Variants in CARHSP1 observed in about 807,000 individuals in gnomAD.
The protein encoded by CARHSP1 is calcium-regulated heat-stable protein 1.
In CARHSP1, 14 loss-of-function variants were observed where a neutral mutation model predicts 12.5. The ratio of observed to expected loss-of-function variants is 1.12; its 90% confidence interval spans 0.74 to 1.75. The LOEUF is 1.75. CARHSP1 is among the 40% of genes most tolerant of loss of function. The pLI, the probability that CARHSP1 is intolerant of heterozygous loss-of-function variation, is 0.00. For synonymous variants in CARHSP1, 161 were observed against 82.0 expected (o/e 1.96, Z -5.20); for missense variants, 343 against 201.6 (o/e 1.70, Z -4.25).
At chr16:8,865,376 C>T (rs1297380432) in intron 1 of CARHSP1, among the ~76,000 whole-genome samples, 1 of 152,220 alleles carries the variant, frequency 6.6e-6, no homozygotes, top group African/African-American at 2.4e-5. Context: ...TCCCAAAGTC[C>T]TCGGATTACA....
At chr16:8,858,823 T>G (rs2061243203) in intron 2 of CARHSP1, 1 of 405,340 alleles carries the variant, frequency 2.5e-6, no homozygotes, top group Non-Finnish European at 4.4e-6. Context: ...TGCCAGGCAT[T>G]ATGTGGGTCC....
At chr16:8,859,586 GCATCGGTCCCCT>G (rs761031775) in intron 1 of CARHSP1, among the ~76,000 whole-genome samples, 17 of 151,978 alleles carry the variant, frequency 1.1e-4, no homozygotes, top group Non-Finnish European at 2.1e-4. Flanking sequence ...GACCAGGATG[GCATCGGTCCCCT>G]CTGTGTCCCC....
At chr16:8,859,863 A>ATCTACTTG (rs2061292131) in intron 1 of CARHSP1, 1 of 152,526 alleles carries the variant, frequency 6.6e-6, no homozygotes, top group Non-Finnish European at 1.5e-5. Flanking sequence ...CTGTAATCCC[A>ATCTACTTG]TCTACTTGAA....
In CARHSP1 at chr16:8,860,722, G is replaced by A. The variant is rs149133700; in HGVS notation, c.-7-1387C>T. On this transcript the variant is annotated intron_variant, in intron 1 of 3. Transcript: ENST00000311052. ...GAGGGACAGCAGCAGCCCTGGATCG[G>A]TTTGACTCAGGTCCCATGGGGTTTT... 4.7e-4 allele frequency among the ~76,000 whole-genome samples: 72 copies of A among 152,198 alleles called. No homozygotes were observed. The East Asian group carries it at 0.014, about 30-fold the overall frequency.
At chr16:8,868,745 T>C (rs1322053358) in intron 1 of CARHSP1, 2 of 151,962 alleles carry the variant, frequency 1.3e-5, no homozygotes, top group African/African-American at 4.8e-5. Flanking sequence ...CCTAGAATCC[T>C]TGCCGCTGTT....
intron 2 of CARHSP1, 51 bp from the exon 3 acceptor site, chr16:8,858,523 C>T (rs1429512941): frequency 8.8e-6 from 14 of 1,598,624 alleles, no homozygotes; most frequent in Non-Finnish European, 1.2e-5. Flanking sequence ...CCTGGGCACA[C>T]AAAGCTCATT....
chr16:8,858,900 C>G, intron 2 of CARHSP1: 2 of 434,698 alleles, frequency 4.6e-6, no homozygotes, highest in East Asian at 3.6e-5. Flanking sequence ...GAACCAGACT[C>G]TCATGTGTGG....
rs141833541 is a variant in CARHSP1 at position 8,858,373 on chromosome 16, G to A, written c.258C>T (p.Pro86=). The A allele has an allele frequency of 1.2e-3, 1,911 of 1,613,900 alleles. 46 individuals are homozygous for A. In the South Asian group the frequency reaches 0.017, roughly 14 times the overall value. ...ACTCAGAGATGTGCAGGAAGATGTC[G>A]GGGCCGCCATCAGCTGGAGTAATGA... is the stretch of plus-strand genomic sequence containing the variant. ...HGFITPADGG[P]DIFLHISDVE... is the part of the protein sequence containing the mutation. The change falls in exon 3 of 4, where the codon CCC becomes CCT. Residue 86 remains proline (P), a synonymous_variant. Coordinates refer to ENST00000311052, the MANE Select transcript of CARHSP1 (RefSeq NM_014316.4).
At chr16:8,857,276 T>TTTTTTTG (rs2061158484) in intron 3 of CARHSP1, among the ~76,000 whole-genome samples, 2 of 102,056 alleles carry the variant, frequency 2.0e-5, no homozygotes, top group African/African-American at 4.8e-5. Context: ...TTTTTTTTTT[T>TTTTTTTG]TTTTTTTTTT....
At chr16:8,863,183 G>T (rs1401545407) in intron 1 of CARHSP1, among the ~76,000 whole-genome samples, 5 of 141,614 alleles carry the variant, frequency 3.5e-5, no homozygotes, top group South Asian at 2.3e-4. Context: ...GCAGTGGCGC[G>T]ATCATGGCTC....
chr16:8,862,165 G>A (rs1457160228), intron 1 of CARHSP1, among the ~76,000 whole-genome samples: 2 of 151,734 alleles, frequency 1.3e-5, no homozygotes, highest in Non-Finnish European at 2.9e-5. Context: ...ATCACGCCCG[G>A]CTAATGAAGC....
At chr16:8,862,413 C>T (rs960638135) in intron 1 of CARHSP1, among the ~76,000 whole-genome samples, 3 of 152,146 alleles carry the variant, frequency 2.0e-5, no homozygotes, top group Admixed American at 6.5e-5. Context: ...ATCATAAAGG[C>T]ACTCAACAGA....
intron 1 of CARHSP1, among the ~76,000 whole-genome samples, chr16:8,860,860 G>C (rs1451288828): frequency 6.6e-6 from 1 of 151,862 alleles, no homozygotes; most frequent in Admixed American, 6.6e-5. Flanking sequence ...AGACCAGCCT[G>C]GCCAACATGG....
At chr16:8,856,791 G>T (rs1039349224) in intron 3 of CARHSP1, among the ~76,000 whole-genome samples, 1 of 152,134 alleles carries the variant, frequency 6.6e-6, no homozygotes, top group African/African-American at 2.4e-5. Context: ...AGGGACAAGG[G>T]TGCAGATCGA....
In CARHSP1 at chr16:8,857,263, GT is replaced by G. The variant is rs756390920; in HGVS notation, c.281+1086del. Among the ~76,000 whole-genome samples the G allele has an allele frequency of 2.5e-3, 140 of 57,024 alleles. 5 individuals carry two copies. Among genetic ancestry groups the G allele is most frequent in the African/African-American group, 7.1e-3 (128 of 17,908 alleles). 37.4% of individuals were successfully genotyped at this position (57,024 alleles called of 152,430 possible). A position where few individuals can be genotyped will look rare whatever the true frequency, so the allele number is the denominator to read the frequency against. The stretch of plus-strand genomic sequence containing the variant: ...TGGCTATGTGATCTTGGGCAGATCT[GT>G]TTTTTTTTTTTTTTTTTTTTTTTTT... On this transcript the variant is annotated intron_variant, in intron 3 of 3. Coordinates refer to ENST00000311052, the MANE Select transcript of CARHSP1 (RefSeq NM_014316.4).
At chr16:8,861,375 A>G (rs1049617654) in intron 1 of CARHSP1, among the ~76,000 whole-genome samples, 10 of 151,520 alleles carry the variant, frequency 6.6e-5, no homozygotes, top group Admixed American at 6.6e-4. Flanking sequence ...CCAGCTGCTC[A>G]TGGAAAGAAA....
chr16:8,861,988 A>ATT (rs2061369140), intron 1 of CARHSP1, among the ~76,000 whole-genome samples: 3 of 52,044 alleles, frequency 5.8e-5, no homozygotes, highest in Non-Finnish European at 1.3e-4. Context: ...AGCATAGCTG[A>ATT]CTTTTTTTTT....
At chr16:8,861,204 A>G (rs2061344047) in intron 1 of CARHSP1, among the ~76,000 whole-genome samples, 2 of 89,828 alleles carry the variant, frequency 2.2e-5, no homozygotes, top group African/African-American at 4.7e-5. Context: ...TTTTTTATAG[A>G]GACAGGGTAT....
intron 1 of CARHSP1, among the ~76,000 whole-genome samples, chr16:8,863,264 C>A (rs1196588932): frequency 6.7e-6 from 1 of 149,556 alleles, no homozygotes; most frequent in Non-Finnish European, 1.5e-5. Flanking sequence ...GGGACTACGG[C>A]CACGTGCCAC....
Sources: allele counts gnomAD v4.1 joint callset (sites outside exome capture counted in the v4.1 genomes callset), GRCh38; gene constraint gnomAD v4.1.1; transcripts MANE v1.5; gene names NCBI Gene and HGNC (gene_info 2026-07-23, HGNC 2026-07-21).